Variants in UNC5D observed in about 807,000 individuals in gnomAD.
UNC5D encodes the protein unc-5 netrin receptor D.
Under a neutral mutation model 105.4 loss-of-function variants are expected in UNC5D, and 39 were observed. The ratio of observed to expected loss-of-function variants is 0.37; its 90% CI spans 0.29 to 0.48. The LOEUF (loss-of-function observed/expected upper bound fraction) is 0.48. Among genes scored for constraint, UNC5D ranks in the 20% least tolerant of loss-of-function variants. UNC5D has a pLI of 0.98. For synonymous variants in UNC5D, 452 were observed against 450.4 expected (o/e 1.00, Z -0.04); for missense variants, 991 against 1,202.4 (o/e 0.82, Z 2.60).
intron 1 of UNC5D, among the ~76,000 whole-genome samples, chr8:35,473,409 A>T (rs1314636986): frequency 6.6e-6 from 1 of 152,220 alleles, no homozygotes; most frequent in Admixed American, 6.5e-5. Flanking sequence ...GGCACGTGGT[A>T]TGCATCCAAT....
At chr8:35,629,267 G>T (rs1157265978) in intron 4 of UNC5D, among the ~76,000 whole-genome samples, 8 of 152,044 alleles carry the variant, frequency 5.3e-5, no homozygotes, top group Non-Finnish European at 1.0e-4. Flanking sequence ...TCTCAGTGTG[G>T]TTTTAATTTG....
chr8:35,382,388 T>C (rs1803095005), intron 1 of UNC5D, among the ~76,000 whole-genome samples: 1 of 152,226 alleles, frequency 6.6e-6, no homozygotes, highest in South Asian at 2.1e-4. Context: ...ACTTTCAGAA[T>C]TGCCTCAAGT....
chr8:35,644,952 T>C (rs1257697601), intron 4 of UNC5D, among the ~76,000 whole-genome samples: 1 of 152,212 alleles, frequency 6.6e-6, no homozygotes, highest in Admixed American at 6.5e-5. Context: ...GATATAATCA[T>C]GTCTAGGGAC....
At chr8:35,733,697 C>T (rs1202386135) in intron 11 of UNC5D, among the ~76,000 whole-genome samples, 2 of 152,060 alleles carry the variant, frequency 1.3e-5, no homozygotes, top group East Asian at 3.9e-4. Flanking sequence ...TTTATGTTGC[C>T]CATGTCTGAG....
chr8:35,668,530 A>G (rs1428757495), intron 4 of UNC5D, among the ~76,000 whole-genome samples: 2 of 151,980 alleles, frequency 1.3e-5, no homozygotes, highest in East Asian at 3.9e-4. Context: ...CTAATATTAT[A>G]AGAATATTTA....
In UNC5D at chr8:35,584,799, A is replaced by C. The variant is rs370504329; in HGVS notation, c.467-10755A>C. ...CGTTTGGCTATGTTATAGCCTTTGT[A>C]AGACACAGTTGTATTGTGTTTCTTA... On this transcript the variant is annotated intron_variant, in intron 3 of 16. Coordinates refer to ENST00000404895, the MANE Select transcript of UNC5D (RefSeq NM_080872.4). Among the ~76,000 whole-genome samples the C allele has an allele frequency of 5.3e-5, 8 of 152,152 alleles. 1 individual carries two copies. The highest frequency in any genetic ancestry group is 1.7e-4 in the African/African-American group (7 of 41,502).
intron 4 of UNC5D, among the ~76,000 whole-genome samples, chr8:35,617,005 C>G (rs561833922): frequency 6.6e-6 from 1 of 152,180 alleles, no homozygotes; most frequent in Admixed American, 6.5e-5. Context: ...CAGTAATGTT[C>G]CATGGGCATG....
At chr8:35,288,388 A>G (rs1806778185) in intron 1 of UNC5D, among the ~76,000 whole-genome samples, 1 of 152,062 alleles carries the variant, frequency 6.6e-6, no homozygotes, top group African/African-American at 2.4e-5. Flanking sequence ...CAAAAAAAAA[A>G]CTTTCGAGCA....
At chr8:35,624,876 T>C (rs1039065402) in intron 4 of UNC5D, among the ~76,000 whole-genome samples, 2 of 152,230 alleles carry the variant, frequency 1.3e-5, no homozygotes, top group African/African-American at 2.4e-5. Flanking sequence ...CACATATATA[T>C]GTGACTACAT....
intron 1 of UNC5D, among the ~76,000 whole-genome samples, chr8:35,389,738 T>TAA (rs5890808): frequency 1.7e-4 from 21 of 126,556 alleles, no homozygotes; most frequent in African/African-American, 6.2e-4. Flanking sequence ...CTGGCTGATT[T>TAA]AAAAAAAAAA....
At chr8:35,509,201 T>C (rs115432260) in intron 1 of UNC5D, among the ~76,000 whole-genome samples, 2,141 of 152,032 alleles carry the variant, frequency 0.014, 65 homozygotes, top group African/African-American at 0.049. Context: ...AAATAGTATA[T>C]GGTGGGGTAC....
At chr8:35,608,544 A>G (rs1820463015) in intron 4 of UNC5D, among the ~76,000 whole-genome samples, 1 of 152,140 alleles carries the variant, frequency 6.6e-6, no homozygotes, top group South Asian at 2.1e-4. Context: ...GTAATTTCTC[A>G]TCATCCATCC....
At chr8:35,632,028 C>T (rs1369457547) in intron 4 of UNC5D, among the ~76,000 whole-genome samples, 1 of 152,220 alleles carries the variant, frequency 6.6e-6, no homozygotes, top group African/African-American at 2.4e-5. Flanking sequence ...ACATTGTCCA[C>T]TGTCCAACAG....
At chr8:35,616,787 T>A (rs1339495092) in intron 4 of UNC5D, among the ~76,000 whole-genome samples, 1 of 152,170 alleles carries the variant, frequency 6.6e-6, no homozygotes, top group Non-Finnish European at 1.5e-5. Flanking sequence ...AGCAAATGGA[T>A]CAGAGAGAAG....
Position 35,273,950 on chromosome 8 carries a change from A to G in UNC5D, c.103+38063A>G, listed in dbSNP as rs35845054. 6.8e-3 allele frequency among the ~76,000 whole-genome samples: 1,029 copies of G among 151,820 alleles called. 12 individuals are homozygous for G. Among genetic ancestry groups the G allele is most frequent in the Non-Finnish European group, 0.01 (709 of 67,914 alleles). ...ATTTTCTCATAGGCTTCCCAGTATC[A>G]TTTTTATGCCTTTTATGGAGTTTTT... On this transcript the variant is annotated intron_variant, in intron 1 of 16. Coordinates refer to ENST00000404895, the MANE Select transcript of UNC5D (RefSeq NM_080872.4).
intron 1 of UNC5D, among the ~76,000 whole-genome samples, chr8:35,396,939 G>T (rs1804142938): frequency 6.6e-6 from 1 of 151,822 alleles, no homozygotes; most frequent in African/African-American, 2.4e-5. Flanking sequence ...TTTTGAGATG[G>T]AGTCTAGCTC....
chr8:35,625,133 G>A (rs1355427018), intron 4 of UNC5D, among the ~76,000 whole-genome samples: 1 of 152,120 alleles, frequency 6.6e-6, no homozygotes, highest in Non-Finnish European at 1.5e-5. Flanking sequence ...GTGATGAGCT[G>A]TACAGCTGCT....
At chr8:35,331,989 AG>A in intron 1 of UNC5D, among the ~76,000 whole-genome samples, 1 of 152,318 alleles carries the variant, frequency 6.6e-6, no homozygotes, top group East Asian at 1.9e-4. Context: ...TCTTGCTGGA[AG>A]GTAGTAAACT....
intron 1 of UNC5D, among the ~76,000 whole-genome samples, chr8:35,313,051 G>A (rs1008967453): frequency 3.3e-5 from 5 of 152,056 alleles, no homozygotes; most frequent in Admixed American, 2.6e-4. Flanking sequence ...AGACCAATCT[G>A]TTGAAATTAA....
Sources: gnomAD v4.1 joint callset for allele counts (sites outside exome capture counted in the v4.1 genomes callset) on GRCh38, gnomAD v4.1.1 for gene constraint, MANE v1.5 for transcripts, NCBI Gene and HGNC (gene_info 2026-07-23, HGNC 2026-07-21) for gene names.